Variants in PTPRS observed in about 807,000 individuals in gnomAD.
PTPRS encodes protein tyrosine phosphatase receptor type S.
A neutral mutation model predicts 215.3 loss-of-function variants in PTPRS; 63 were observed. The observed-to-expected ratio is 0.29, with a 90% CI of 0.24 to 0.36. The LOEUF is 0.36. PTPRS is among the 10% of genes least tolerant of loss of function. The pLI is 1.00. For synonymous variants in PTPRS, 1,404 were observed against 1,191.4 expected (o/e 1.18, Z -3.68); for missense variants, 2,258 against 2,825.8 (o/e 0.80, Z 4.56).
chr19:5,284,673 T>C (rs1271771551), intron 2 of PTPRS, among the ~76,000 whole-genome samples: 2 of 152,006 alleles, frequency 1.3e-5, no homozygotes, highest in East Asian at 3.9e-4. Flanking sequence ...CTGGATGCCG[T>C]GGCTGGCTCA....
chr19:5,226,056 T>TG (rs907571557), intron 16 of PTPRS, among the ~76,000 whole-genome samples: 1 of 152,140 alleles, frequency 6.6e-6, no homozygotes, highest in Non-Finnish European at 1.5e-5. Context: ...CATTGTCGCT[T>TG]GCCAGGACCA....
At chr19:5,211,860 A>G (rs905302252) in intron 32 of PTPRS, 92 bp from the exon 33 acceptor site, 93 of 1,571,294 alleles carry the variant, frequency 5.9e-5, no homozygotes, top group Non-Finnish European at 7.0e-5. Context: ...AGGTAGGGGC[A>G]CCCTGCCACC....
intron 3 of PTPRS, 59 bp downstream of exon 3, chr19:5,274,140 C>T: frequency 1.3e-6 from 2 of 1,568,582 alleles, no homozygotes; most frequent in South Asian, 1.1e-5. Context: ...GGCTGAGGTG[C>T]TGTGGCCCTG....
rs767142162 is a variant in PTPRS, at chr19:5,223,098, C to T, written c.2694G>A (p.Gly898=). Reference sequence around the variant, plus strand: ...CCGCAAGCCGGAACACATACGTGGCCCCCTTGTGCACGCCTGATGCCGTGT... The same window carrying T: ...CCGCAAGCCGGAACACATACGTGGCTCCCTTGTGCACGCCTGATGCCGTGT... ...DRYTASGVHK[G]ATYVFRLAAR... Residue 898 remains glycine (G), a synonymous_variant, in exon 18 of 38, where the codon GGG becomes GGA. Coordinates refer to ENST00000262963, the MANE Select transcript of PTPRS (RefSeq NM_002850.4). 5.8e-6 allele frequency: 9 copies of T among 1,564,248 alleles called. No individual in the cohort carries two copies. The highest frequency in any genetic ancestry group is 2.4e-5 in the East Asian group (1 of 42,204).
chr19:5,229,539 C>G lies in PTPRS; in HGVS notation c.2301G>C (p.Glu767Asp). Residue 767 changes from glutamate (E) to aspartate (D), a missense_variant, in exon 15 of 38, where the codon GAG (glutamate) becomes GAC (aspartate). Physicochemically the swap from Glu to Asp is conservative, Grantham distance 45. This residue lies in a region of PTPRS where 371 missense variants were observed against 446.7 expected (regional missense o/e 0.83). Transcript: ENST00000262963. ...QVHYVRMEGAEARGPPRIKDV... is the reference protein window; with the variant it reads ...QVHYVRMEGADARGPPRIKDV... ...CCTTGATGCGCGGCGGCCCGCGGGCCTCGGCGCCCTCCATGCGCACGTAGT... is the reference window on the plus strand; with the variant it reads ...CCTTGATGCGCGGCGGCCCGCGGGCGTCGGCGCCCTCCATGCGCACGTAGT... 2 of 1,465,186 alleles carry G rather than the reference C, an allele frequency of 1.4e-6. No individual in the cohort carries two copies. Among genetic ancestry groups the G allele is most frequent in the Non-Finnish European group, 1.8e-6 (2 of 1,110,676 alleles). 90.8% of individuals were successfully genotyped at this position (1,465,186 alleles called of 1,614,324 possible). A position where few individuals can be genotyped will look rare whatever the true frequency, so the allele number is the denominator to read the frequency against.
rs1348958046 is a variant in PTPRS at position 5,222,842 on chromosome 19, G to T, written c.2950C>A (p.Pro984Thr). The change falls in exon 18 of 38, where the codon CCG (proline) becomes ACG (threonine). Residue 984 changes from proline (P) to threonine (T), a missense_variant. Pro to Thr is a conservative substitution (Grantham distance 38, BLOSUM62 -1). Around this residue, in one of 6 missense-constraint regions of PTPRS, gnomAD observed 361 missense variants for 332.6 expected, o/e 1.09. Transcript: ENST00000262963. ...ALGPARETEL[P>T]AAAEPGAENA... is the part of the protein sequence containing the mutation. ...TCCGCGCCCGGCTCAGCCGCTGCCGGCAGCTCAGTCTCTCGGGCAGGGCCC... is the reference window on the plus strand; with the variant it reads ...TCCGCGCCCGGCTCAGCCGCTGCCGTCAGCTCAGTCTCTCGGGCAGGGCCC... 1.9e-6 allele frequency: 3 copies of T among 1,593,786 alleles called. No homozygotes were observed. In the East Asian group the frequency reaches 6.7e-5, roughly 36 times the overall value.
chr19:5,306,879 G>A (rs996169723), intron 1 of PTPRS, among the ~76,000 whole-genome samples: 2 of 152,078 alleles, frequency 1.3e-5, no homozygotes, highest in African/African-American at 4.8e-5. Context: ...TTCCCTTTAG[G>A]CCTGATAACA....
chr19:5,315,426 C>T (rs2049845440), intron 1 of PTPRS, among the ~76,000 whole-genome samples: 1 of 126,468 alleles, frequency 7.9e-6, no homozygotes, highest in Non-Finnish European at 1.6e-5. Context: ...TGCAGTGACA[C>T]AATCATGGCT....
At chr19:5,290,247 CTG>C (rs968560111) in intron 1 of PTPRS, among the ~76,000 whole-genome samples, 30 of 152,338 alleles carry the variant, frequency 2.0e-4, no homozygotes, top group African/African-American at 6.7e-4. Flanking sequence ...GATGAGGAAA[CTG>C]AGGCTCACAG....
At chr19:5,277,962 T>C (rs112963883) in intron 2 of PTPRS, 183,649 of 1,476,524 alleles carry the variant, frequency 0.12, 13,110 homozygotes, top group Admixed American at 0.28. Context: ...CTTCCGGAAG[T>C]TCCTGGTCCC....
chr19:5,313,476 C>T (rs1175274904), intron 1 of PTPRS, among the ~76,000 whole-genome samples: 8 of 152,282 alleles, frequency 5.3e-5, no homozygotes, highest in South Asian at 2.1e-4. Context: ...GCTGGCTCGT[C>T]GGAAAACAAA....
intron 1 of PTPRS, among the ~76,000 whole-genome samples, chr19:5,309,794 T>C (rs1396191938): frequency 6.6e-6 from 1 of 151,924 alleles, no homozygotes; most frequent in African/African-American, 2.4e-5. Flanking sequence ...CCTCTGCCCC[T>C]GCCTGGTCCA....
Position 5,238,907 on chromosome 19 carries a change from C to T in PTPRS, c.1849+12G>A, listed in dbSNP as rs114029825. The T allele has an allele frequency of 3.3e-3, 5,155 of 1,577,004 alleles. 161 individuals are homozygous for T. In the African/African-American group the frequency reaches 0.063, roughly 19 times the overall value. On this transcript the variant is annotated intron_variant, in intron 13 of 37. Coordinates refer to ENST00000262963, the MANE Select transcript of PTPRS (RefSeq NM_002850.4). ...CCTCCCGCAGAGAAGGGCGGCCCCG[C>T]GAGACACCTACTGGACTGCAGCGTG...
At chr19:5,243,120 GCT>G (rs1032907339) in intron 11 of PTPRS, among the ~76,000 whole-genome samples, 3 of 150,838 alleles carry the variant, frequency 2.0e-5, no homozygotes, top group Non-Finnish European at 3.0e-5. Flanking sequence ...AGCCTGGCTA[GCT>G]CTCTTTTTTT....
Position 5,339,984 on chromosome 19 carries a change from G to A in PTPRS, c.-95+680C>T, listed in dbSNP as rs1411792064. On this transcript the variant is annotated intron_variant, in intron 1 of 37. Coordinates refer to ENST00000262963, the MANE Select transcript of PTPRS (RefSeq NM_002850.4). This position sits in a 1 kb window ranked among gnomAD's most constrained non-coding sequence, Gnocchi z 4.2. ...GGGCGCCGAGGCCGCAGAAGGGTGG[G>A]GCAATGCCCGAGTGCCGGAGGGGCG... is the stretch of plus-strand genomic sequence containing the variant. 6.6e-6 allele frequency among the ~76,000 whole-genome samples: 1 copy of A among 151,992 alleles called. No homozygotes were observed. Among genetic ancestry groups the A allele is most frequent in the African/African-American group, 2.4e-5 (1 of 41,432 alleles).
intron 13 of PTPRS, among the ~76,000 whole-genome samples, chr19:5,234,214 G>A (rs2145735574): frequency 6.6e-6 from 1 of 152,246 alleles, no homozygotes; most frequent in Middle Eastern, 3.4e-3. Context: ...TGTGCTACCA[G>A]GGACCCAAAG....
chr19:5,219,909 G>C, intron 22 of PTPRS, 30 bp downstream of exon 22: 4 of 1,605,682 alleles, frequency 2.5e-6, no homozygotes. Context: ...AGGTGTGTCT[G>C]GATGTGGGCG....
At chr19:5,236,089 C>T (rs553646034) in intron 13 of PTPRS, among the ~76,000 whole-genome samples, 6 of 152,336 alleles carry the variant, frequency 3.9e-5, no homozygotes, top group Middle Eastern at 3.4e-3. Flanking sequence ...ACTCCCCACC[C>T]GCCACCCCGC....
intron 9 of PTPRS, among the ~76,000 whole-genome samples, chr19:5,250,762 C>T (rs991179777): frequency 2.7e-5 from 4 of 150,848 alleles, no homozygotes; most frequent in Non-Finnish European, 5.9e-5. Flanking sequence ...ACGACCCCTC[C>T]CCCAGGCAGG....
Sources: allele counts gnomAD v4.1 joint callset (sites outside exome capture counted in the v4.1 genomes callset), GRCh38; gene constraint gnomAD v4.1.1; regional missense constraint gnomAD v4.1.1; non-coding constraint Gnocchi (gnomAD v3.1); transcripts MANE v1.5; gene names NCBI Gene and HGNC (gene_info 2026-07-23, HGNC 2026-07-21).